Variants in FOCAD observed in about 807,000 individuals in gnomAD.
The protein encoded by FOCAD is KIAA1797.
FOCAD carries 198 observed loss-of-function variants against 225.6 expected under a neutral mutation model. The observed-to-expected ratio is 0.88, with a 90% confidence interval of 0.78 to 0.99. FOCAD has a LOEUF of 0.99. Ranked by LOEUF, FOCAD falls within the 50% of genes least tolerant of loss-of-function variation. The pLI is 0.00. For missense variants in FOCAD, 2,713 were observed against 2,123.6 expected, an observed-to-expected ratio of 1.28 and a Z score of -5.46; for synonymous variants, 897 against 755.0, an observed-to-expected ratio of 1.19 and a Z score of -3.08.
chr9:20,819,656 A>C, intron 11 of FOCAD, 140 bp from the exon 12 acceptor site: 1 of 440,284 alleles, frequency 2.3e-6, no homozygotes, highest in Non-Finnish European at 4.0e-6. Flanking sequence ...ATTAGCAAGT[A>C]ATAGCTAACT....
At chr9:20,881,779 G>T (rs1260229006) in intron 19 of FOCAD, 92 bp from the exon 20 acceptor site, 2 of 1,273,650 alleles carry the variant, frequency 1.6e-6, no homozygotes, top group Non-Finnish European at 2.2e-6. Context: ...CAGAAATGTA[G>T]CTTAGTTGTT....
chr9:20,967,139 T>C (rs1317589056), intron 35 of FOCAD, among the ~76,000 whole-genome samples: 2 of 152,096 alleles, frequency 1.3e-5, no homozygotes, highest in Non-Finnish European at 2.9e-5. Flanking sequence ...GAATATTCAG[T>C]ATTCGAATCT....
Position 20,949,585 on chromosome 9 carries a change from TTTC to T in FOCAD, c.3877-13_3877-11del, listed in dbSNP as rs1837503094. ...TTTATGGGGGTGGGTGGGATGGGTATTTCTTCTTATTCTTTCAGCTGAAATCAG... is the reference window on the plus strand; with the variant it reads ...TTTATGGGGGTGGGTGGGATGGGTATTTCTTATTCTTTCAGCTGAAATCAG... On this transcript the variant is annotated splice_polypyrimidine_tract_variant and intron_variant, in intron 32 of 43. Transcript: ENST00000338382. 3.1e-6 allele frequency: 5 copies of T among 1,610,502 alleles called. No individual in the cohort carries two copies. The highest frequency in any genetic ancestry group is 3.4e-6 in the Non-Finnish European group (4 of 1,177,212).
At chr9:20,810,755 A>C (rs1564019003) in intron 11 of FOCAD, among the ~76,000 whole-genome samples, 1 of 151,994 alleles carries the variant, frequency 6.6e-6, no homozygotes, top group Non-Finnish European at 1.5e-5. Flanking sequence ...GGCTAATGAG[A>C]CTCACCTGGA....
At chr9:20,677,756 T>G (rs1303493004) in intron 2 of FOCAD, among the ~76,000 whole-genome samples, 6 of 152,190 alleles carry the variant, frequency 3.9e-5, no homozygotes, top group Non-Finnish European at 8.8e-5. Flanking sequence ...GGCAGAGCCA[T>G]GATAGAAAAC....
intron 18 of FOCAD, among the ~76,000 whole-genome samples, chr9:20,867,477 C>G (rs1330356189): frequency 6.6e-6 from 1 of 151,972 alleles, no homozygotes; most frequent in Non-Finnish European, 1.5e-5. Context: ...GAGAAAGTAT[C>G]ACTATCTTTT....
chr9:20,873,940 A>G (rs895379804), intron 18 of FOCAD: 2 of 152,182 alleles, frequency 1.3e-5, no homozygotes, highest in Non-Finnish European at 2.9e-5. Flanking sequence ...TGTGGACATT[A>G]TGATAGAGTG....
intron 13 of FOCAD, among the ~76,000 whole-genome samples, chr9:20,820,670 G>C (rs144783165): frequency 7.8e-4 from 119 of 152,210 alleles, no homozygotes; most frequent in African/African-American, 2.7e-3. Context: ...GCTTGAGAAA[G>C]TAATGGAAAT....
chr9:20,938,946 A>AT (rs34008441), intron 28 of FOCAD, among the ~76,000 whole-genome samples: 52,849 of 150,704 alleles, frequency 0.35, 9,743 homozygotes, highest in East Asian at 0.43. Flanking sequence ...TTATATGTAT[A>AT]TTTTACCTTA....
chr9:20,876,555 G>A (rs758677135), intron 19 of FOCAD, among the ~76,000 whole-genome samples: 1 of 152,046 alleles, frequency 6.6e-6, no homozygotes, highest in Non-Finnish European at 1.5e-5. Flanking sequence ...CAGTGCCTTC[G>A]ACTGAGAAAG....
At chr9:20,904,770 G>A (rs1832820315) in intron 21 of FOCAD, among the ~76,000 whole-genome samples, 1 of 151,908 alleles carries the variant, frequency 6.6e-6, no homozygotes, top group Non-Finnish European at 1.5e-5. Flanking sequence ...TGAATAACTA[G>A]GTTGCAACTT....
At chr9:20,977,547 A>T (rs934113010) in intron 36 of FOCAD, among the ~76,000 whole-genome samples, 1 of 152,232 alleles carries the variant, frequency 6.6e-6, no homozygotes, top group African/African-American at 2.4e-5. Context: ...AGGGGAGATG[A>T]AGAGCAATTT....
At chr9:20,923,394 G>T (rs991318475) in intron 24 of FOCAD, among the ~76,000 whole-genome samples, 1 of 152,116 alleles carries the variant, frequency 6.6e-6, no homozygotes, top group Admixed American at 6.5e-5. Context: ...AATTTAGGAA[G>T]AAACAACTTA....
intron 11 of FOCAD, among the ~76,000 whole-genome samples, chr9:20,806,380 C>G (rs192901440): frequency 6.8e-4 from 103 of 152,128 alleles, no homozygotes; most frequent in Non-Finnish European, 1.3e-3. Context: ...TTGTTCAGCC[C>G]AAGGTTGTTA....
chr9:20,843,884 T>C (rs1443149137), intron 15 of FOCAD, among the ~76,000 whole-genome samples: 1 of 152,138 alleles, frequency 6.6e-6, no homozygotes, highest in East Asian at 1.9e-4. Flanking sequence ...ATGGAAAATT[T>C]AAGAACCACT....
chr9:20,872,371 T>C (rs896414325), intron 18 of FOCAD, among the ~76,000 whole-genome samples: 3 of 152,152 alleles, frequency 2.0e-5, no homozygotes, highest in African/African-American at 7.2e-5. Context: ...ATAAAAGTTG[T>C]ACAGAAATGA....
At chr9:20,691,570 C>T (rs1199612407) in intron 1 of FOCAD, among the ~76,000 whole-genome samples, 2 of 152,000 alleles carry the variant, frequency 1.3e-5, no homozygotes, top group African/African-American at 2.4e-5. Flanking sequence ...CAAGCCGCAC[C>T]TCCCGGGTTC....
Position 20,933,087 on chromosome 9 carries a change from A to C in FOCAD, c.3391A>C (p.Thr1131Pro), listed in dbSNP as rs145248690. 1.2e-6 allele frequency: 2 copies of C among 1,613,568 alleles called. No individual in the cohort carries two copies. Among genetic ancestry groups the C allele is most frequent in the Admixed American group, 3.3e-5 (2 of 60,022 alleles). ...LDALENCCFD[T>P]SLEYNTGCIL... ...TGCCCTGGAAAATTGCTGCTTTGAC[A>C]CTAGTCTTGAATACAAGTATGTTGT... The change falls in exon 28 of 44, where the codon ACT (threonine) becomes CCT (proline). Residue 1131 changes from threonine to proline, a missense_variant. Thr to Pro is a conservative substitution (Grantham distance 38, BLOSUM62 -1). Transcript: ENST00000338382.
At chr9:20,832,147 T>C (rs1825557237) in intron 15 of FOCAD, among the ~76,000 whole-genome samples, 1 of 152,090 alleles carries the variant, frequency 6.6e-6, no homozygotes, top group Non-Finnish European at 1.5e-5. Context: ...TGAGCCTTCA[T>C]GTACAAGCTT....
Sources: gnomAD v4.1 joint callset for allele counts (sites outside exome capture counted in the v4.1 genomes callset) on GRCh38, gnomAD v4.1.1 for gene constraint, MANE v1.5 for transcripts, NCBI Gene and HGNC (gene_info 2026-07-23, HGNC 2026-07-21) for gene names.